The following MEGF10 variants were observed in gnomAD, a reference collection of about 807,000 sequenced individuals.
The protein encoded by MEGF10 is multiple EGF like domains 10.
Under a neutral mutation model 147.5 loss-of-function variants are expected in MEGF10, and 86 were observed. The observed-to-expected ratio is 0.58, with a 90% confidence interval of 0.49 to 0.70. The LOEUF (loss-of-function observed/expected upper bound fraction) is 0.70. Ranked by LOEUF, MEGF10 falls within the 30% of genes least tolerant of loss-of-function variation. The probability of loss-of-function intolerance (pLI) is 0.00; values close to 1 mark genes in which losing one functional copy is unlikely to be tolerated. For synonymous variants in MEGF10, 478 were observed against 525.5 expected (o/e 0.91, Z 1.24); for missense variants, 1,329 against 1,487.3 (o/e 0.89, Z 1.75).
intron 5 of MEGF10, among the ~76,000 whole-genome samples, chr5:127,379,064 CTTTTT>C (rs35798578): frequency 8.2e-6 from 1 of 121,472 alleles, no homozygotes. Context: ...ATTGATTTTT[CTTTTT>C]TTTTTTTTTT....
At chr5:127,234,833 CT>C in the MEGF10 span, among the ~76,000 whole-genome samples, 74 of 151,958 alleles carry the variant, frequency 4.9e-4, 1 homozygote, top group Admixed American at 2.0e-3. Context: ...TTATTTCCAA[CT>C]TCCATATCTT....
intron 12 of MEGF10, among the ~76,000 whole-genome samples, chr5:127,422,024 C>A (rs968290320): frequency 1.4e-5 from 2 of 145,044 alleles, no homozygotes; most frequent in East Asian, 2.0e-4. Flanking sequence ...CTGACCCACA[C>A]AAAAAAGCTC....
chr5:127,333,503 C>G (rs1761348115), intron 2 of MEGF10, among the ~76,000 whole-genome samples: 1 of 137,554 alleles, frequency 7.3e-6, no homozygotes, highest in Admixed American at 7.3e-5. Context: ...CAGAGCGGAC[C>G]CTGCCTCAAA....
chr5:127,316,083 C>T (rs1760537732), intron 1 of MEGF10, among the ~76,000 whole-genome samples: 1 of 152,366 alleles, frequency 6.6e-6, no homozygotes, highest in Admixed American at 6.5e-5. Flanking sequence ...AGATGCAACA[C>T]TTCAGAAGAC....
chr5:127,277,709 TG>T, the MEGF10 span, among the ~76,000 whole-genome samples: 25 of 152,272 alleles, frequency 1.6e-4, 1 homozygote, highest in African/African-American at 6.0e-4. Context: ...GGGGTAATGA[TG>T]AAGGTCTGGA....
the MEGF10 span, among the ~76,000 whole-genome samples, chr5:127,258,395 A>G: frequency 4.6e-5 from 7 of 152,304 alleles, no homozygotes; most frequent in Admixed American, 2.6e-4. Context: ...TATAGAACAG[A>G]GTTATAAGTA....
At chr5:127,293,906 C>T (rs775432584) in intron 1 of MEGF10, among the ~76,000 whole-genome samples, 7 of 152,210 alleles carry the variant, frequency 4.6e-5, no homozygotes, top group Non-Finnish European at 8.8e-5. Context: ...CACAAGACCA[C>T]CTTTGCAGCA....
chr5:127,286,401 A>G (rs1325204623), upstream of MEGF10, among the ~76,000 whole-genome samples: 1 of 152,108 alleles, frequency 6.6e-6, no homozygotes. Flanking sequence ...GCATGTAACA[A>G]ATTTTCACAT....
At chr5:127,300,817 T>C (rs574937898) in intron 1 of MEGF10, among the ~76,000 whole-genome samples, 2 of 152,300 alleles carry the variant, frequency 1.3e-5, no homozygotes, top group South Asian at 4.1e-4. Context: ...ATTAGCACCA[T>C]CATAGGTGAT....
intron 8 of MEGF10, among the ~76,000 whole-genome samples, chr5:127,403,002 C>T (rs1265767568): frequency 6.6e-6 from 1 of 152,108 alleles, no homozygotes; most frequent in Non-Finnish European, 1.5e-5. Context: ...ATTGTAAGTA[C>T]TTGGTGATAG....
In MEGF10 at chr5:127,456,579, T is replaced by C. The variant is rs148929317; in HGVS notation, c.3233-549T>C. 1.4e-3 allele frequency among the ~76,000 whole-genome samples: 206 copies of C among 152,290 alleles called. 8 individuals carry two copies. The South Asian group carries it at 0.028, about 21-fold the overall frequency. ...CCCTGGGAAAAAATATACAAAATAATTTATTTTTAAAGTATTAAGACAGCT... is the reference window on the plus strand; with the variant it reads ...CCCTGGGAAAAAATATACAAAATAACTTATTTTTAAAGTATTAAGACAGCT... On this transcript the variant is annotated intron_variant, in intron 24 of 24. Transcript: ENST00000503335.
the MEGF10 span, among the ~76,000 whole-genome samples, chr5:127,275,610 G>A: frequency 1.3e-5 from 2 of 152,124 alleles, no homozygotes; most frequent in Non-Finnish European, 1.5e-5. Context: ...TTATCTTTAA[G>A]ATGGAGACTA....
rs140552803 is a variant in MEGF10 at position 127,406,716 on chromosome 5, T to G, written c.918-3673T>G. On this transcript the variant is annotated intron_variant, in intron 8 of 24. Coordinates refer to ENST00000503335, the MANE Select transcript of MEGF10 (RefSeq NM_001256545.2). ...TAGGCTGGCAGAGTAGTGCATAGAT[T>G]GCCCAAATAAAAGGCTTTGGGGTTT... is the stretch of plus-strand genomic sequence containing the variant. 4.0e-3 allele frequency among the ~76,000 whole-genome samples: 604 copies of G among 152,246 alleles called. 7 individuals are homozygous for G. The highest frequency in any genetic ancestry group is 0.014 in the African/African-American group (582 of 41,546).
chr5:127,458,550 G>C lies in MEGF10; in HGVS notation c.*1232G>C, dbSNP rs1017939457. 6.6e-6 allele frequency: 1 copy of C among 151,984 alleles called. No homozygotes were observed. Among genetic ancestry groups the C allele is most frequent in the South Asian group, 2.1e-4 (1 of 4,826 alleles). 9.4% of individuals were successfully genotyped at this position (151,984 alleles called of 1,614,324 possible). Reference sequence around the variant, plus strand: ...CTTGTATTATTGCCACTTATCTTTTGCTTGATAAAAATGCGTTGTTCTTTT... The same window carrying C: ...CTTGTATTATTGCCACTTATCTTTTCCTTGATAAAAATGCGTTGTTCTTTT... On this transcript the variant is annotated 3_prime_UTR_variant, in exon 25 of 25. Transcript: ENST00000503335.
chr5:127,345,975 A>C (rs960749645), intron 4 of MEGF10, among the ~76,000 whole-genome samples: 1 of 152,134 alleles, frequency 6.6e-6, no homozygotes, highest in African/African-American at 2.4e-5. Context: ...GAGTGACTTC[A>C]CTTAGAATAA....
At chr5:127,267,066 A>C in the MEGF10 span, among the ~76,000 whole-genome samples, 1 of 152,166 alleles carries the variant, frequency 6.6e-6, no homozygotes, top group Non-Finnish European at 1.5e-5. Flanking sequence ...GTTTGTCATA[A>C]ATAGCTCTTA....
the MEGF10 span, among the ~76,000 whole-genome samples, chr5:127,262,533 TG>T: frequency 6.6e-6 from 1 of 152,112 alleles, no homozygotes; most frequent in South Asian, 2.1e-4. Context: ...TAGGCTTCTG[TG>T]GGGGTTGCTG....
intron 9 of MEGF10, among the ~76,000 whole-genome samples, chr5:127,412,146 C>T (rs1275627496): frequency 6.6e-6 from 1 of 152,194 alleles, no homozygotes; most frequent in East Asian, 1.9e-4. Flanking sequence ...AAGTACATGA[C>T]ATTTTTTGAC....
At chr5:127,356,159 T>C (rs543966265) in intron 4 of MEGF10, among the ~76,000 whole-genome samples, 1 of 152,300 alleles carries the variant, frequency 6.6e-6, no homozygotes, top group African/African-American at 2.4e-5. Flanking sequence ...CCACAAAACA[T>C]TGACATGACC....
Sources: allele counts gnomAD v4.1 joint callset (sites outside exome capture counted in the v4.1 genomes callset), GRCh38; gene constraint gnomAD v4.1.1; transcripts MANE v1.5; gene names NCBI Gene and HGNC (gene_info 2026-07-23, HGNC 2026-07-21).